The following KIAA1549L variants were observed in gnomAD, a reference collection of about 807,000 sequenced individuals.
The protein encoded by KIAA1549L is UPF0606 protein KIAA1549L.
A neutral mutation model predicts 160.7 loss-of-function variants in KIAA1549L; 88 were observed. The observed-to-expected ratio is 0.55, with a 90% CI of 0.46 to 0.65. The LOEUF is 0.65. KIAA1549L is among the 30% of genes least tolerant of loss of function. KIAA1549L has a pLI of 0.00. For missense variants in KIAA1549L, 2,258 were observed against 2,437.5 expected (o/e 0.93, Z 1.55); for synonymous variants, 950 against 976.7 (o/e 0.97, Z 0.51).
chr11:33,619,988 C>T (rs145283252), intron 16 of KIAA1549L, among the ~76,000 whole-genome samples: 2 of 152,268 alleles, frequency 1.3e-5, no homozygotes, highest in East Asian at 3.9e-4. Context: ...ATCTGAGACA[C>T]AGTAGGATTC....
chr11:33,556,133 G>A (rs532905121), intron 6 of KIAA1549L, among the ~76,000 whole-genome samples: 71 of 152,242 alleles, frequency 4.7e-4, no homozygotes, highest in African/African-American at 1.6e-3. Context: ...TATTAGGATG[G>A]CTATTCTCAA....
At chr11:33,436,249 A>G (rs180923456) in intron 1 of KIAA1549L, among the ~76,000 whole-genome samples, 17 of 152,268 alleles carry the variant, frequency 1.1e-4, no homozygotes, top group African/African-American at 3.9e-4. Context: ...CATATTATAT[A>G]CATAGCATAT....
intron 1 of KIAA1549L, among the ~76,000 whole-genome samples, chr11:33,490,311 A>T (rs1442371099): frequency 3.3e-5 from 5 of 149,312 alleles, no homozygotes; most frequent in African/African-American, 1.2e-4. Context: ...TGACAGAACT[A>T]CTTACTTTAC....
At chr11:33,659,644 A>G (rs938660200) in intron 19 of KIAA1549L, among the ~76,000 whole-genome samples, 3 of 152,246 alleles carry the variant, frequency 2.0e-5, no homozygotes, top group Admixed American at 6.5e-5. Context: ...AGCACTTAGT[A>G]AAGCATTCAT....
intron 9 of KIAA1549L, among the ~76,000 whole-genome samples, chr11:33,574,443 A>G (rs1303332227): frequency 6.6e-6 from 1 of 152,204 alleles, no homozygotes; most frequent in African/African-American, 2.4e-5. Context: ...GGGAGACATC[A>G]CTATCCTGTG....
chr11:33,591,561 CT>C, intron 12 of KIAA1549L, 140 bp downstream of exon 12: 2 of 690,880 alleles, frequency 2.9e-6, no homozygotes, highest in Non-Finnish European at 4.7e-6. Flanking sequence ...TGAAAAGAGA[CT>C]AAAGGAGATG....
intron 1 of KIAA1549L, among the ~76,000 whole-genome samples, chr11:33,475,088 A>G (rs1261013302): frequency 6.6e-6 from 1 of 152,188 alleles, no homozygotes; most frequent in East Asian, 1.9e-4. Context: ...TGTGCAAAAG[A>G]GGGAGCTTCT....
intron 1 of KIAA1549L, chr11:33,450,588 C>CAACA (rs1554978916): frequency 0.033 from 4,890 of 149,576 alleles, 126 homozygotes; most frequent in Non-Finnish European, 0.054. Context: ...ACAACAACAA[C>CAACA]AAAAAAGAAA....
chr11:33,611,330 CTGAG>C (rs1193229210), intron 15 of KIAA1549L, among the ~76,000 whole-genome samples: 1 of 152,014 alleles, frequency 6.6e-6, no homozygotes, highest in Non-Finnish European at 1.5e-5. Context: ...AGTTTCTGGC[CTGAG>C]TAAGTACTTA....
intron 1 of KIAA1549L, among the ~76,000 whole-genome samples, chr11:33,438,235 C>T (rs1172121071): frequency 6.6e-6 from 1 of 152,138 alleles, no homozygotes; most frequent in East Asian, 1.9e-4. Context: ...TTACTGACTC[C>T]ATTGGCTGGT....
intron 10 of KIAA1549L, among the ~76,000 whole-genome samples, chr11:33,578,256 G>A (rs1429298214): frequency 6.6e-6 from 1 of 152,134 alleles, no homozygotes; most frequent in Admixed American, 6.5e-5. Context: ...GTGAGAGTCT[G>A]GGAGGTGAGG....
chr11:33,629,450 C>T (rs1020662986), intron 16 of KIAA1549L, among the ~76,000 whole-genome samples: 1 of 152,170 alleles, frequency 6.6e-6, no homozygotes, highest in African/African-American at 2.4e-5. Context: ...TTGGTCTTTT[C>T]ACATAGTCCC....
chr11:33,552,822 A>G lies in KIAA1549L; in HGVS notation c.3855+581A>G, dbSNP rs149486277. ...AGGTATTCTTACTCCCATTTCACAG[A>G]AGAGAGAACTGAGAGGCTAAGAAAC... On this transcript the variant is annotated intron_variant, in intron 6 of 20. Coordinates refer to ENST00000658780, the MANE Select transcript of KIAA1549L (RefSeq NM_012194.3). 5.3e-5 allele frequency among the ~76,000 whole-genome samples: 8 copies of G among 152,312 alleles called. 1 individual carries two copies. Among genetic ancestry groups the G allele is most frequent in the South Asian group, 2.1e-4 (1 of 4,828 alleles).
chr11:33,591,309 A>T lies in KIAA1549L; in HGVS notation c.4639A>T (p.Thr1547Ser). The change falls in exon 12 of 21, where the codon ACT becomes TCT. Residue 1547 changes from threonine to serine, a missense_variant. Coordinates refer to ENST00000658780, the MANE Select transcript of KIAA1549L (RefSeq NM_012194.3). ...GGCAGATGAGGAGGTCATCCCTGTGACTCAGGAGACAGTGGTTCTCCCACT... is the reference window on the plus strand; with the variant it reads ...GGCAGATGAGGAGGTCATCCCTGTGTCTCAGGAGACAGTGGTTCTCCCACT... ...QGADEEVIPV[T>S]QETVVLPLPI... 1 of 1,613,604 alleles carries T rather than the reference A, an allele frequency of 6.2e-7. No homozygotes were observed. The highest frequency in any genetic ancestry group is 8.5e-7 in the Non-Finnish European group (1 of 1,179,596).
intron 1 of KIAA1549L, among the ~76,000 whole-genome samples, chr11:33,430,613 T>C (rs1279767328): frequency 6.6e-6 from 1 of 152,228 alleles, no homozygotes; most frequent in Non-Finnish European, 1.5e-5. Flanking sequence ...CTCCCAGAGC[T>C]GTGGAAACAA....
intron 8 of KIAA1549L, among the ~76,000 whole-genome samples, chr11:33,562,442 TTCA>T: frequency 6.6e-6 from 1 of 152,276 alleles, no homozygotes; most frequent in South Asian, 2.1e-4. Context: ...ACTGGGTGGC[TTCA>T]ACAACAGACA....
intron 16 of KIAA1549L, among the ~76,000 whole-genome samples, chr11:33,636,260 C>G (rs561834567): frequency 9.9e-5 from 15 of 151,866 alleles, no homozygotes; most frequent in African/African-American, 3.6e-4. Context: ...TCTAGTGCTT[C>G]CTTTAATAGG....
chr11:33,644,919 G>A (rs1043681028), intron 16 of KIAA1549L, among the ~76,000 whole-genome samples: 2 of 152,200 alleles, frequency 1.3e-5, no homozygotes, highest in African/African-American at 2.4e-5. Flanking sequence ...AGACACTTAC[G>A]AAGCAAGCAT....
chr11:33,385,555 G>T (rs1002079083), intron 1 of KIAA1549L, among the ~76,000 whole-genome samples: 2 of 152,188 alleles, frequency 1.3e-5, no homozygotes, highest in East Asian at 1.9e-4. Context: ...CTTTAGTTCT[G>T]TAGTAAGTCT....
Sources: allele counts gnomAD v4.1 joint callset (sites outside exome capture counted in the v4.1 genomes callset), GRCh38; gene constraint gnomAD v4.1.1; transcripts MANE v1.5; gene names NCBI Gene and HGNC (gene_info 2026-07-23, HGNC 2026-07-21).